CRAMP1: variants seen among roughly 807,000 people sequenced by gnomAD.
CRAMP1 encodes cramped chromatin regulator 1.
Under a neutral mutation model 115.4 loss-of-function variants are expected in CRAMP1, and 50 were observed. That is an observed-to-expected ratio of 0.43 (90% confidence interval 0.35 to 0.55). The LOEUF is 0.55. Among genes scored for constraint, CRAMP1 ranks in the 20% least tolerant of loss-of-function variants. CRAMP1 has a pLI of 0.01. For missense variants in CRAMP1, 1,679 were observed against 1,721.7 expected, an observed-to-expected ratio of 0.98 and a Z score of 0.44; for synonymous variants, 866 against 745.4, an observed-to-expected ratio of 1.16 and a Z score of -2.64.
chr16:1,635,323 TG>T (rs1472484635), intron 4 of CRAMP1, among the ~76,000 whole-genome samples: 2 of 152,182 alleles, frequency 1.3e-5, no homozygotes, highest in Admixed American at 1.3e-4. Context: ...GCCCCCAGCT[TG>T]GGGGCCTTGC....
intron 13 of CRAMP1, among the ~76,000 whole-genome samples, 173 bp from the exon 14 acceptor site, chr16:1,664,884 T>C (rs929628627): frequency 6.6e-6 from 1 of 152,086 alleles, no homozygotes; most frequent in Non-Finnish European, 1.5e-5. Flanking sequence ...GAGCTTGGGG[T>C]ACATGGGTCC....
At position 1,614,936 on chromosome 16, in the gene CRAMP1, G is replaced by T; in HGVS notation, c.297G>T (p.Pro99=). 1 of 1,275,520 alleles carries T rather than the reference G, an allele frequency of 7.8e-7. No individual in the cohort carries two copies. The allele number at this position is 1,275,520 out of a possible 1,614,324, so 79.0% of individuals were successfully genotyped here. Residue 99 remains proline (P), a synonymous_variant, in exon 2 of 21, where the codon CCG becomes CCT. Coordinates refer to ENST00000397412, the MANE Select transcript of CRAMP1 (RefSeq NM_020825.4). This position sits in a 1 kb window ranked among gnomAD's most constrained non-coding sequence, Gnocchi z 4.4. ...PQSKRPRKDP[P]SAVGSGNAGG... The stretch of plus-strand genomic sequence containing the variant: ...GCAAGAGGCCCAGGAAGGATCCTCC[G>T]AGCGCTGTGGGGAGCGGCAACGCCG...
Position 1,668,201 on chromosome 16 carries a change from C to T in CRAMP1, c.3334+8C>T, listed in dbSNP as rs868607341. ...TCAGCTCCGGTCAGTACGGTAAGGGCAGGGCGGCCTCACAGCCCTTCCTGT... is the reference window on the plus strand; with the variant it reads ...TCAGCTCCGGTCAGTACGGTAAGGGTAGGGCGGCCTCACAGCCCTTCCTGT... On this transcript the variant is annotated splice_region_variant and intron_variant, in intron 18 of 20. Coordinates refer to ENST00000397412, the MANE Select transcript of CRAMP1 (RefSeq NM_020825.4). 6.3e-7 allele frequency: 1 copy of T among 1,599,602 alleles called. No individual in the cohort carries two copies. Among genetic ancestry groups the T allele is most frequent in the Non-Finnish European group, 8.6e-7 (1 of 1,167,436 alleles).
chr16:1,667,278 G>A lies in CRAMP1; in HGVS notation c.3037-57G>A. The A allele has an allele frequency of 2.1e-6, 3 of 1,411,460 alleles. No individual in the cohort carries two copies. In the Admixed American group the frequency reaches 5.0e-5, roughly 24 times the overall value. 87.4% of individuals were successfully genotyped at this position (1,411,460 alleles called of 1,614,324 possible). A position where few individuals can be genotyped will look rare whatever the true frequency, so the allele number is the denominator to read the frequency against. On this transcript the variant is annotated intron_variant, in intron 16 of 20. Coordinates refer to ENST00000397412, the MANE Select transcript of CRAMP1 (RefSeq NM_020825.4). ...TTTCTGGAACTCTGTCGCGGGTGAGGGTATGGGTGGCATCTGGTGCACCCT... is the reference window on the plus strand; with the variant it reads ...TTTCTGGAACTCTGTCGCGGGTGAGAGTATGGGTGGCATCTGGTGCACCCT...
intron 9 of CRAMP1, among the ~76,000 whole-genome samples, chr16:1,655,545 T>G (rs1183575118): frequency 6.6e-6 from 1 of 152,202 alleles, no homozygotes; most frequent in East Asian, 1.9e-4. Flanking sequence ...GTGGCCTGTG[T>G]CTGGCCCACG....
chr16:1,658,126 G>A (rs566139866), intron 10 of CRAMP1, among the ~76,000 whole-genome samples: 21 of 152,276 alleles, frequency 1.4e-4, no homozygotes, highest in African/African-American at 4.6e-4. Context: ...GGCTTGCCCC[G>A]GAGAGTTGGT....
chr16:1,614,267 G>A lies in CRAMP1; in HGVS notation c.-1-372G>A, dbSNP rs2142164303. On this transcript the variant is annotated intron_variant, in intron 1 of 20. Coordinates refer to ENST00000397412, the MANE Select transcript of CRAMP1 (RefSeq NM_020825.4). The surrounding 1 kb of genome is among the most constrained non-coding windows in gnomAD (Gnocchi z 4.4). ...GTGGGCGGGGCAGCGGCCCGGACCC[G>A]CAACCGTGCCCAGACCCGCGCCCGC... Among the ~76,000 whole-genome samples, 1 of 146,998 alleles carries A rather than the reference G, an allele frequency of 6.8e-6. No individual in the cohort carries two copies. Among genetic ancestry groups the A allele is most frequent in the South Asian group, 2.1e-4 (1 of 4,816 alleles).
At chr16:1,613,546 C>G (rs2036382739) in intron 1 of CRAMP1, among the ~76,000 whole-genome samples, 4 of 152,162 alleles carry the variant, frequency 2.6e-5, no homozygotes, top group Admixed American at 1.3e-4. Context: ...TCACACGTGC[C>G]CGTCCCGGAC....
Position 1,666,400 on chromosome 16 carries a change from G to A in CRAMP1, c.2858-22G>A, listed in dbSNP as rs1289980554. ...TGGGTTGTCAGTAGAGCAGAGATGT[G>A]CAGCGTCCTTTTTGTTGCCAGGTGC... is the stretch of plus-strand genomic sequence containing the variant. On this transcript the variant is annotated intron_variant, in intron 15 of 20. Transcript: ENST00000397412. The surrounding 1 kb of genome is among the most constrained non-coding windows in gnomAD (Gnocchi z 5.0). The A allele has an allele frequency of 3.7e-6, 6 of 1,603,996 alleles. No individual in the cohort carries two copies. In the South Asian group the frequency reaches 5.6e-5, roughly 15 times the overall value.
Position 1,641,194 on chromosome 16 carries a change from C to T in CRAMP1, c.827+7C>T, listed in dbSNP as rs377609106. ...ATGAACTCATTCAGGTTGGGTAAGTCCCAGTTTCCATGTGAAACATCACTT... is the reference window on the plus strand; with the variant it reads ...ATGAACTCATTCAGGTTGGGTAAGTTCCAGTTTCCATGTGAAACATCACTT... On this transcript the variant is annotated splice_region_variant and intron_variant, in intron 6 of 20. Transcript: ENST00000397412. 1 of 1,602,382 alleles carries T rather than the reference C, an allele frequency of 6.2e-7. No individual in the cohort carries two copies.
rs374097268 is a variant in CRAMP1 at position 1,670,716 on chromosome 16, G to A, written c.3552G>A (p.Gly1184=). ...GGAAGATGTTGCCGACTCCCATTGG[G>A]ACCAACAGTGGCACTTCCTTGCTTG... ...KSRKMLPTPI[G]TNSGTSLLGP... is the part of the protein sequence containing the mutation. The change falls in exon 20 of 21, where the codon GGG becomes GGA. Residue 1184 remains glycine (G), a synonymous_variant. Coordinates refer to ENST00000397412, the MANE Select transcript of CRAMP1 (RefSeq NM_020825.4). The A allele has an allele frequency of 3.7e-6, 6 of 1,613,874 alleles. No individual in the cohort carries two copies. Among genetic ancestry groups the A allele is most frequent in the Non-Finnish European group, 5.1e-6 (6 of 1,179,900 alleles).
At chr16:1,665,792 G>T in intron 14 of CRAMP1, 2 of 442,784 alleles carry the variant, frequency 4.5e-6, no homozygotes, top group Non-Finnish European at 4.1e-6. Flanking sequence ...TTGGGGGCTT[G>T]TCACCCTTCA....
intron 10 of CRAMP1, 79 bp from the exon 11 acceptor site, chr16:1,659,807 G>C: frequency 7.5e-7 from 1 of 1,325,934 alleles, no homozygotes; most frequent in Non-Finnish European, 1.1e-6. Flanking sequence ...TGATTTTCTT[G>C]TGCCTCCTAC....
chr16:1,656,752 C>G lies in CRAMP1; in HGVS notation c.1995C>G (p.Pro665=). ...QPAARPPKEV[P]ASRLAQQLRE... The stretch of plus-strand genomic sequence containing the variant: ...CCGCCAGGCCCCCGAAGGAGGTCCC[C>G]GCCAGCCGGCTGGCTCAGCAGCTCC... Residue 665 remains proline (P), a synonymous_variant, in exon 10 of 21, where the codon CCC becomes CCG. Transcript: ENST00000397412. The surrounding 1 kb of genome is among the most constrained non-coding windows in gnomAD (Gnocchi z 5.6). 1 of 1,548,558 alleles carries G rather than the reference C, an allele frequency of 6.5e-7. No individual in the cohort carries two copies. The highest frequency in any genetic ancestry group is 8.7e-7 in the Non-Finnish European group (1 of 1,145,638).
Position 1,667,955 on chromosome 16 carries a change from C to T in CRAMP1, c.3103-7C>T. The T allele has an allele frequency of 1.3e-6, 2 of 1,580,926 alleles. No individual in the cohort carries two copies. The highest frequency in any genetic ancestry group is 2.3e-5 in the South Asian group (2 of 88,342). ...GTTGTGTCTGAAAAATACCTGTCTC[C>T]CAGCAGGGCTCATCTGTTCTCTCCT... is the stretch of plus-strand genomic sequence containing the variant. On this transcript the variant is annotated splice_polypyrimidine_tract_variant and splice_region_variant and intron_variant, in intron 17 of 20. Transcript: ENST00000397412.
chr16:1,671,737 C>T lies in CRAMP1; in HGVS notation c.3645+928C>T, dbSNP rs2036925168. Among the ~76,000 whole-genome samples the T allele has an allele frequency of 6.6e-6, 1 of 152,144 alleles. No individual in the cohort carries two copies. Among genetic ancestry groups the T allele is most frequent in the Admixed American group, 6.5e-5 (1 of 15,278 alleles). On this transcript the variant is annotated intron_variant, in intron 20 of 20. Transcript: ENST00000397412. The surrounding 1 kb of genome is among the most constrained non-coding windows in gnomAD (Gnocchi z 5.0). ...TAGATACTTGAGGGACACCCTGGAT[C>T]CAAAAAAGCTCAAAACAGCTGTTTC... is the stretch of plus-strand genomic sequence containing the variant.
chr16:1,666,359 C>T lies in CRAMP1; in HGVS notation c.2858-63C>T. On this transcript the variant is annotated intron_variant, in intron 15 of 20. Coordinates refer to ENST00000397412, the MANE Select transcript of CRAMP1 (RefSeq NM_020825.4). The surrounding 1 kb of genome is among the most constrained non-coding windows in gnomAD (Gnocchi z 5.0). Reference sequence around the variant, plus strand: ...CGAGGGAGAAGCTGTTCCCCGAGCCCTCTTGGGACATCTTATGGGTTGTCA... The same window carrying T: ...CGAGGGAGAAGCTGTTCCCCGAGCCTTCTTGGGACATCTTATGGGTTGTCA... 2.0e-6 allele frequency: 3 copies of T among 1,513,602 alleles called. No homozygotes were observed. The highest frequency in any genetic ancestry group is 2.7e-6 in the Non-Finnish European group (3 of 1,108,666). The allele number at this position is 1,513,602 out of a possible 1,614,324, so 93.8% of individuals were successfully genotyped here.
chr16:1,670,542 G>A, intron 19 of CRAMP1, 122 bp from the exon 20 acceptor site: 1 of 1,047,514 alleles, frequency 9.5e-7, no homozygotes, highest in East Asian at 2.4e-5. Context: ...GCACAAGTCT[G>A]GATTGGGGCC....
rs1350322678 is a variant in CRAMP1, at chr16:1,677,522, G to A, written c.*3477G>A. On this transcript the variant is annotated 3_prime_UTR_variant, in exon 21 of 21. Transcript: ENST00000397412. ...CACAGCACACCCTTCGCGGCTGTCAGCGCTCTCCTGATGTCACAGTGGCTG... is the reference window on the plus strand; with the variant it reads ...CACAGCACACCCTTCGCGGCTGTCAACGCTCTCCTGATGTCACAGTGGCTG... 1 of 152,584 alleles carries A rather than the reference G, an allele frequency of 6.6e-6. No individual in the cohort carries two copies. The allele number at this position is 152,584 out of a possible 1,614,324, so 9.5% of individuals were successfully genotyped here. A position where few individuals can be genotyped will look rare whatever the true frequency, so the allele number is the denominator to read the frequency against.
Sources: allele counts gnomAD v4.1 joint callset (sites outside exome capture counted in the v4.1 genomes callset), GRCh38; gene constraint gnomAD v4.1.1; non-coding constraint Gnocchi (gnomAD v3.1); transcripts MANE v1.5; gene names NCBI Gene and HGNC (gene_info 2026-07-23, HGNC 2026-07-21).